Variants in IGSF3 observed in about 807,000 individuals in gnomAD.
IGSF3 encodes glu-Trp-Ile EWI motif-containing protein 3.
IGSF3 carries 23 observed loss-of-function variants against 114.4 expected under a neutral mutation model. That is an observed-to-expected ratio of 0.20 (90% CI 0.14 to 0.28). The LOEUF (loss-of-function observed/expected upper bound fraction) is 0.28. IGSF3 is among the 10% of genes least tolerant of loss of function. The pLI is 1.00. For synonymous variants in IGSF3, 571 were observed against 645.2 expected (o/e 0.88, Z 1.74); for missense variants, 1,172 against 1,591.5 (o/e 0.74, Z 4.48).
Position 116,638,012 on chromosome 1 carries a change from G to C in IGSF3, c.44-21555C>G, listed in dbSNP as rs972037132. 2.0e-5 allele frequency among the ~76,000 whole-genome samples: 3 copies of C among 152,100 alleles called. No homozygotes were observed. The highest frequency in any genetic ancestry group is 7.2e-5 in the African/African-American group (3 of 41,398). On this transcript the variant is annotated intron_variant, in intron 2 of 10. Transcript: ENST00000369486. The surrounding 1 kb of genome is among the most constrained non-coding windows in gnomAD (Gnocchi z 4.1). Reference sequence around the variant, plus strand: ...GTCCTGCCTATAAGTATATCGGATCGCTCTCCTTCTTGCTGGCATCCACAG... The same window carrying C: ...GTCCTGCCTATAAGTATATCGGATCCCTCTCCTTCTTGCTGGCATCCACAG...
At position 116,625,302 on chromosome 1, in the gene IGSF3, C is replaced by T. The variant is rs1661538784; in HGVS notation, c.44-8845G>A. Reference sequence around the variant, plus strand: ...GTGAGGTGCAAAGTGCAAGGTTAAGCCCTTTCAGAAAGTGAAAGCATTCAA... The same window carrying T: ...GTGAGGTGCAAAGTGCAAGGTTAAGTCCTTTCAGAAAGTGAAAGCATTCAA... On this transcript the variant is annotated intron_variant, in intron 2 of 10. Coordinates refer to ENST00000369486, the MANE Select transcript of IGSF3 (RefSeq NM_001007237.3). This position sits in a 1 kb window ranked among gnomAD's most constrained non-coding sequence, Gnocchi z 4.7. Among the ~76,000 whole-genome samples the T allele has an allele frequency of 6.6e-6, 1 of 152,200 alleles. No homozygotes were observed. The highest frequency in any genetic ancestry group is 1.5e-5 in the Non-Finnish European group (1 of 68,034).
intron 2 of IGSF3, among the ~76,000 whole-genome samples, chr1:116,660,479 CTTTTTTTTTT>C (rs71274759): frequency 1.0e-4 from 10 of 99,736 alleles, no homozygotes; most frequent in African/African-American, 3.3e-4. Context: ...GTATGCTTTT[CTTTTTTTTTT>C]TTTTTTTTTT....
chr1:116,667,234 G>A (rs924850320), intron 1 of IGSF3, among the ~76,000 whole-genome samples: 6 of 152,310 alleles, frequency 3.9e-5, no homozygotes, highest in South Asian at 4.1e-4. Context: ...GGCGCCGCAG[G>A]TAGCCCCACC....
chr1:116,615,708 G>A lies in IGSF3; in HGVS notation c.421+372C>T, dbSNP rs1294112782. Reference sequence around the variant, plus strand: ...CCGTGGGTCTCAGAGCTGCCCAAAGGCCTATCCTTCTGAGAGGTTTCTCCT... The same window carrying A: ...CCGTGGGTCTCAGAGCTGCCCAAAGACCTATCCTTCTGAGAGGTTTCTCCT... On this transcript the variant is annotated intron_variant, in intron 3 of 10. Coordinates refer to ENST00000369486, the MANE Select transcript of IGSF3 (RefSeq NM_001007237.3). This position sits in a 1 kb window ranked among gnomAD's most constrained non-coding sequence, Gnocchi z 4.3. 6.6e-6 allele frequency among the ~76,000 whole-genome samples: 1 copy of A among 152,170 alleles called. No individual in the cohort carries two copies. Among genetic ancestry groups the A allele is most frequent in the Non-Finnish European group, 1.5e-5 (1 of 68,026 alleles).
Position 116,605,262 on chromosome 1 carries a change from T to C in IGSF3, c.1223-1237A>G, listed in dbSNP as rs936780190. ...CAATTACCAAGAGAAAACACACACA[T>C]ACACATAACAATGCATTTGAATCAA... On this transcript the variant is annotated intron_variant, in intron 5 of 10. Transcript: ENST00000369486. This position sits in a 1 kb window ranked among gnomAD's most constrained non-coding sequence, Gnocchi z 5.1. Among the ~76,000 whole-genome samples, 5 of 151,916 alleles carry C rather than the reference T, an allele frequency of 3.3e-5. No homozygotes were observed. The highest frequency in any genetic ancestry group is 6.6e-5 in the Admixed American group (1 of 15,242).
intron 4 of IGSF3, among the ~76,000 whole-genome samples, chr1:116,613,373 T>C (rs932007987): frequency 2.6e-5 from 4 of 152,178 alleles, no homozygotes; most frequent in Non-Finnish European, 5.9e-5. Flanking sequence ...GATGGGTACC[T>C]GAGGAAGGCA....
Position 116,628,766 on chromosome 1 carries a change from C to G in IGSF3, c.44-12309G>C, listed in dbSNP as rs1436285980. On this transcript the variant is annotated intron_variant, in intron 2 of 10. Coordinates refer to ENST00000369486, the MANE Select transcript of IGSF3 (RefSeq NM_001007237.3). The surrounding 1 kb of genome is among the most constrained non-coding windows in gnomAD (Gnocchi z 4.2). Reference sequence around the variant, plus strand: ...CAGCTTTGACTTTCATTGCTGGTGGCTCAGGCTCCTGTGCTTGGCTCTCAT... The same window carrying G: ...CAGCTTTGACTTTCATTGCTGGTGGGTCAGGCTCCTGTGCTTGGCTCTCAT... Among the ~76,000 whole-genome samples, 1 of 152,182 alleles carries G rather than the reference C, an allele frequency of 6.6e-6. No homozygotes were observed. Among genetic ancestry groups the G allele is most frequent in the Non-Finnish European group, 1.5e-5 (1 of 68,030 alleles).
intron 2 of IGSF3, among the ~76,000 whole-genome samples, chr1:116,652,844 A>C (rs1330317663): frequency 6.6e-6 from 1 of 152,206 alleles, no homozygotes; most frequent in Non-Finnish European, 1.5e-5. Context: ...CAAACTGCAT[A>C]AACATCAATG....
rs749813708 is a variant in IGSF3, at chr1:116,579,655, TC to T, written c.3070del (p.Asp1024ThrfsTer11). 5 of 1,587,056 alleles carry T rather than the reference TC, an allele frequency of 3.2e-6. No individual in the cohort carries two copies. The Admixed American group carries it at 8.6e-5, about 27-fold the overall frequency. On this transcript the variant is annotated frameshift_variant, in exon 10 of 11. Coordinates refer to ENST00000369486, the MANE Select transcript of IGSF3 (RefSeq NM_001007237.3). LOFTEE classifies it high-confidence loss of function. The surrounding 1 kb of genome is among the most constrained non-coding windows in gnomAD (Gnocchi z 6.4). ...GGCCGTCCGCTCTGTTGGGTCGTCGTCGTCGTCGTCGTCCTCCTCCTCCTCC... is the reference window on the plus strand; with the variant it reads ...GGCCGTCCGCTCTGTTGGGTCGTCGTGTCGTCGTCGTCCTCCTCCTCCTCC... ...EEEEEEDDDDDDDPTERTALL... is the reference protein window; with the variant it reads ...EEEEEEDDDDXDDPTERTALL...
chr1:116,599,548 G>A (rs1660485345), intron 7 of IGSF3, among the ~76,000 whole-genome samples: 1 of 152,198 alleles, frequency 6.6e-6, no homozygotes, highest in African/African-American at 2.4e-5. Context: ...TGGGACAACT[G>A]GGGAAATGTA....
chr1:116,639,591 A>G (rs1172781257), intron 2 of IGSF3, among the ~76,000 whole-genome samples: 1 of 152,218 alleles, frequency 6.6e-6, no homozygotes, highest in East Asian at 1.9e-4. Context: ...TCTCAAAAAG[A>G]AAGAAAATAC....
chr1:116,581,251 A>G (rs1397709145), intron 9 of IGSF3, among the ~76,000 whole-genome samples: 2 of 151,474 alleles, frequency 1.3e-5, no homozygotes, highest in African/African-American at 4.9e-5. Flanking sequence ...CAGAGTAACC[A>G]CAGAGAGGGA....
intron 2 of IGSF3, among the ~76,000 whole-genome samples, chr1:116,660,142 C>T (rs1251833146): frequency 6.6e-6 from 1 of 152,212 alleles, no homozygotes; most frequent in African/African-American, 2.4e-5. Flanking sequence ...CTGAACTGGT[C>T]CTTAAAACCA....
chr1:116,659,988 G>A (rs4044699), intron 2 of IGSF3, among the ~76,000 whole-genome samples: 4 of 152,156 alleles, frequency 2.6e-5, no homozygotes, highest in Admixed American at 2.6e-4. Flanking sequence ...CAGGGACCAC[G>A]AGAGGTCAGC....
In IGSF3 at chr1:116,633,284, A is replaced by C. The variant is rs985763400; in HGVS notation, c.44-16827T>G. On this transcript the variant is annotated intron_variant, in intron 2 of 10. Transcript: ENST00000369486. This position sits in a 1 kb window ranked among gnomAD's most constrained non-coding sequence, Gnocchi z 4.3. ...CTGCTCTGGGAAATCAGATCTCAGT[A>C]GGTCATCAACCATTCCAGGAAGTCC... Among the ~76,000 whole-genome samples, 1 of 152,230 alleles carries C rather than the reference A, an allele frequency of 6.6e-6. No homozygotes were observed. Among genetic ancestry groups the C allele is most frequent in the Non-Finnish European group, 1.5e-5 (1 of 68,044 alleles).
intron 2 of IGSF3, among the ~76,000 whole-genome samples, chr1:116,640,493 T>C (rs1170981298): frequency 6.6e-6 from 1 of 152,236 alleles, no homozygotes; most frequent in African/African-American, 2.4e-5. Context: ...CCATAAACAA[T>C]ATACAGAGTT....
At chr1:116,620,789 AG>A (rs1471664047) in intron 2 of IGSF3, among the ~76,000 whole-genome samples, 1 of 152,202 alleles carries the variant, frequency 6.6e-6, no homozygotes, top group African/African-American at 2.4e-5. Context: ...CACCCAGGCT[AG>A]AGTGCAGTGG....
At chr1:116,604,888 G>A (rs1231066432) in intron 5 of IGSF3, among the ~76,000 whole-genome samples, 1 of 152,204 alleles carries the variant, frequency 6.6e-6, no homozygotes, top group African/African-American at 2.4e-5. Context: ...CAGGTAGAGA[G>A]CCACCTTTAA....
At chr1:116,663,243 C>A (rs114317488) in intron 2 of IGSF3, among the ~76,000 whole-genome samples, 1 of 152,186 alleles carries the variant, frequency 6.6e-6, no homozygotes, top group Non-Finnish European at 1.5e-5. Context: ...CCTGTTCTTA[C>A]AGACACAAAT....
Sources: allele counts gnomAD v4.1 joint callset (sites outside exome capture counted in the v4.1 genomes callset), GRCh38; gene constraint gnomAD v4.1.1; non-coding constraint Gnocchi (gnomAD v3.1); transcripts MANE v1.5; gene names NCBI Gene and HGNC (gene_info 2026-07-23, HGNC 2026-07-21).